The following STK32B variants were observed in gnomAD, a reference collection of about 807,000 sequenced individuals.
STK32B encodes the protein serine/threonine kinase 32B, also known as serine/threonine-protein kinase 32B.
In STK32B, 43 loss-of-function variants were observed where a neutral mutation model predicts 52.6. That is an observed-to-expected ratio of 0.82 (90% CI 0.64 to 1.05). STK32B has a LOEUF of 1.05. Among genes scored for constraint, STK32B ranks in the 50% least tolerant of loss-of-function variants. The pLI is 0.00. For synonymous variants in STK32B, 238 were observed against 204.3 expected, an observed-to-expected ratio of 1.17 and a Z score of -1.41; for missense variants, 621 against 534.6, an observed-to-expected ratio of 1.16 and a Z score of -1.59.
intron 2 of STK32B, among the ~76,000 whole-genome samples, chr4:5,144,628 C>T (rs976558280): frequency 6.6e-6 from 1 of 152,172 alleles, no homozygotes; most frequent in Non-Finnish European, 1.5e-5. Context: ...TCTTGCATGA[C>T]ACTCATTCTT....
chr4:5,051,434 G>A (rs915849137), upstream of STK32B: 15 of 191,920 alleles, frequency 7.8e-5, no homozygotes, highest in South Asian at 1.3e-4. Context: ...CCGCCCTGCC[G>A]CCGCCCACTG....
chr4:5,475,642 G>A (rs1419152259), intron 11 of STK32B, among the ~76,000 whole-genome samples: 2 of 149,774 alleles, frequency 1.3e-5, no homozygotes, highest in Non-Finnish European at 3.0e-5. Context: ...AGGTTGCAGC[G>A]AGCCAAGATC....
intron 6 of STK32B, among the ~76,000 whole-genome samples, chr4:5,444,162 A>C (rs1272239339): frequency 1.3e-5 from 2 of 151,942 alleles, no homozygotes; most frequent in African/African-American, 2.4e-5. Context: ...TTGTTTACCT[A>C]ATCAAGCCTG....
intron 6 of STK32B, among the ~76,000 whole-genome samples, chr4:5,419,465 G>C (rs1712445628): frequency 1.3e-5 from 2 of 152,170 alleles, no homozygotes; most frequent in African/African-American, 4.8e-5. Context: ...GTCTCCTTCA[G>C]AATTTATCAA....
At chr4:5,301,292 G>A (rs1195174057) in intron 3 of STK32B, among the ~76,000 whole-genome samples, 4 of 152,094 alleles carry the variant, frequency 2.6e-5, no homozygotes, top group East Asian at 1.9e-4. Flanking sequence ...AGAAAGCATC[G>A]GAAAGTGTTT....
At chr4:5,487,730 G>A (rs116250368) in intron 11 of STK32B, among the ~76,000 whole-genome samples, 1,864 of 152,294 alleles carry the variant, frequency 0.012, 20 homozygotes, top group Non-Finnish European at 0.018. Flanking sequence ...GCATCGAGGA[G>A]GGGAGGAGTC....
chr4:5,429,335 T>A (rs1377984158), intron 6 of STK32B, among the ~76,000 whole-genome samples: 1 of 152,170 alleles, frequency 6.6e-6, no homozygotes, highest in African/African-American at 2.4e-5. Context: ...TTGCCTTTTC[T>A]TGTATTTGTT....
At chr4:5,110,081 C>T (rs745966844) in intron 1 of STK32B, among the ~76,000 whole-genome samples, 4 of 150,354 alleles carry the variant, frequency 2.7e-5, no homozygotes, top group Non-Finnish European at 5.9e-5. Context: ...AACTACAAAA[C>T]ACTGATGAAA....
chr4:5,485,018 C>G (rs968854252), intron 11 of STK32B, among the ~76,000 whole-genome samples: 3 of 151,876 alleles, frequency 2.0e-5, no homozygotes, highest in Non-Finnish European at 2.9e-5. Context: ...GGCTGCCCTT[C>G]CCATTTTTTC....
chr4:5,032,061 C>T, the STK32B span, among the ~76,000 whole-genome samples: 2 of 151,888 alleles, frequency 1.3e-5, no homozygotes, highest in African/African-American at 4.8e-5. Flanking sequence ...ACAGAATTGA[C>T]TTAGCTAAAC....
intron 3 of STK32B, among the ~76,000 whole-genome samples, chr4:5,220,122 G>A (rs1577207593): frequency 6.6e-6 from 1 of 152,174 alleles, no homozygotes; most frequent in African/African-American, 2.4e-5. Flanking sequence ...GATCCCTAAT[G>A]TAAGTTTAGA....
chr4:5,411,741 A>T (rs1358012833), intron 5 of STK32B, among the ~76,000 whole-genome samples: 1 of 152,190 alleles, frequency 6.6e-6, no homozygotes, highest in East Asian at 1.9e-4. Context: ...CATTTGAACC[A>T]TAGGAGCCTC....
At chr4:5,249,912 C>G (rs1182703610) in intron 3 of STK32B, among the ~76,000 whole-genome samples, 2 of 152,154 alleles carry the variant, frequency 1.3e-5, no homozygotes, top group Non-Finnish European at 2.9e-5. Context: ...TCACTCTCCT[C>G]CCACCCTCAA....
intron 5 of STK32B, among the ~76,000 whole-genome samples, chr4:5,403,275 C>T (rs1737433653): frequency 6.6e-6 from 1 of 152,170 alleles, no homozygotes; most frequent in African/African-American, 2.4e-5. Context: ...TCCTCACTTC[C>T]TCTAATTCCC....
chr4:5,248,247 C>T (rs1017159648), intron 3 of STK32B, among the ~76,000 whole-genome samples: 4 of 152,192 alleles, frequency 2.6e-5, no homozygotes, highest in African/African-American at 9.7e-5. Context: ...CCTCCAAGAT[C>T]CCTGCTCTCT....
At chr4:5,459,484 T>C (rs1716862457) in intron 8 of STK32B, among the ~76,000 whole-genome samples, 1 of 152,238 alleles carries the variant, frequency 6.6e-6, no homozygotes, top group South Asian at 2.1e-4. Flanking sequence ...CTTTTCATTC[T>C]TGGCCCCTGT....
chr4:5,360,461 A>C (rs1258961861), intron 4 of STK32B, among the ~76,000 whole-genome samples: 1 of 152,220 alleles, frequency 6.6e-6, no homozygotes, highest in Non-Finnish European at 1.5e-5. Flanking sequence ...GAGGGAGTGC[A>C]GGTGAGATCA....
At chr4:5,459,811 G>T (rs756743260) in intron 8 of STK32B, among the ~76,000 whole-genome samples, 1 of 152,198 alleles carries the variant, frequency 6.6e-6, no homozygotes, top group South Asian at 2.1e-4. Flanking sequence ...GAGGCAGCCT[G>T]TTACAGGCTC....
intron 4 of STK32B, among the ~76,000 whole-genome samples, chr4:5,377,956 G>T (rs1160348016): frequency 6.6e-6 from 1 of 152,128 alleles, no homozygotes; most frequent in East Asian, 1.9e-4. Flanking sequence ...AAACAAAATA[G>T]TAGTACCAAA....
Sources: gnomAD v4.1 joint callset for allele counts (sites outside exome capture counted in the v4.1 genomes callset) on GRCh38, gnomAD v4.1.1 for gene constraint, MANE v1.5 for transcripts, NCBI Gene and HGNC (gene_info 2026-07-23, HGNC 2026-07-21) for gene names.